Variants in JMJD6 observed in about 807,000 individuals in gnomAD.
JMJD6 encodes the protein bifunctional arginine demethylase and lysyl-hydroxylase JMJD6.
Under a neutral mutation model 45.8 loss-of-function variants are expected in JMJD6, and 17 were observed. The observed-to-expected ratio is 0.37, with a 90% CI of 0.25 to 0.56. The LOEUF is 0.56. Among genes scored for constraint, JMJD6 ranks in the 20% least tolerant of loss-of-function variants. The probability of loss-of-function intolerance (pLI) is 0.79; values close to 1 mark genes in which losing one functional copy is unlikely to be tolerated. For missense variants in JMJD6, 470 were observed against 517.5 expected (o/e 0.91, Z 0.89); for synonymous variants, 221 against 196.3 (o/e 1.13, Z -1.05).
chr17:76,724,144 A>AGAG, intron 2 of JMJD6, 86 bp from the exon 3 acceptor site: 1 of 1,443,530 alleles, frequency 6.9e-7, no homozygotes, highest in Non-Finnish European at 9.5e-7. Flanking sequence ...TTTTTCTTTG[A>AGAG]GAGTCTTGCT....
chr17:76,725,850 G>A lies in JMJD6; in HGVS notation c.135C>T (p.Asn45=), dbSNP rs765176610. Residue 45 remains asparagine (N), a synonymous_variant, in exon 2 of 6, where the codon AAC becomes AAT. Coordinates refer to ENST00000397625, the MANE Select transcript of JMJD6 (RefSeq NM_015167.3). ...FSLSPAAVAD[N]VERADALQLS... ...GCTGTAAAGCATCTGCCCTTTCCACGTTATCCTGAGGGAATTAAAAAAGAC... is the reference window on the plus strand; with the variant it reads ...GCTGTAAAGCATCTGCCCTTTCCACATTATCCTGAGGGAATTAAAAAAGAC... 12 of 1,602,704 alleles carry A rather than the reference G, an allele frequency of 7.5e-6. No individual in the cohort carries two copies. In the South Asian group the frequency reaches 1.3e-4, roughly 18 times the overall value.
At chr17:76,716,851 G>A, downstream of JMJD6, 3 of 808,620 alleles carry the variant, frequency 3.7e-6, no homozygotes, top group East Asian at 7.5e-5. Context: ...TTTCTCCAGA[G>A]TTTTCTTACA....
intron 2 of JMJD6, 89 bp downstream of exon 2, chr17:76,725,378 C>T (rs750389166): frequency 1.6e-6 from 2 of 1,287,824 alleles, no homozygotes; most frequent in South Asian, 3.1e-5. Context: ...GGCACTGCAG[C>T]CTGGGCTACA....
intron 3 of JMJD6, among the ~76,000 whole-genome samples, chr17:76,723,089 G>T (rs1882259936): frequency 6.6e-6 from 1 of 151,526 alleles, no homozygotes; most frequent in African/African-American, 2.4e-5. Flanking sequence ...GGGATTACAG[G>T]CGCCCGCCAC....
In JMJD6 at chr17:76,718,871, G is replaced by A; in HGVS notation, c.1081-11C>T. 1 of 1,610,980 alleles carries A rather than the reference G, an allele frequency of 6.2e-7. No individual in the cohort carries two copies. Among genetic ancestry groups the A allele is most frequent in the African/African-American group, 1.3e-5 (1 of 74,860 alleles). Reference sequence around the variant, plus strand: ...GGATCCAGACTCGCACTGGACACAGGAGGACAGAAAACAAGGAGTCAACCT... The same window carrying A: ...GGATCCAGACTCGCACTGGACACAGAAGGACAGAAAACAAGGAGTCAACCT... On this transcript the variant is annotated splice_polypyrimidine_tract_variant and intron_variant, in intron 5 of 5. Coordinates refer to ENST00000397625, the MANE Select transcript of JMJD6 (RefSeq NM_015167.3).
chr17:76,716,952 G>C (rs1258952713), downstream of JMJD6, among the ~76,000 whole-genome samples: 3 of 152,170 alleles, frequency 2.0e-5, no homozygotes, highest in Non-Finnish European at 4.4e-5. Flanking sequence ...TCTAAGTATG[G>C]CTGTGAAAGG....
intron 3 of JMJD6, 103 bp from the exon 4 acceptor site, chr17:76,722,036 C>T (rs2076831929): frequency 1.6e-6 from 2 of 1,225,182 alleles, no homozygotes; most frequent in African/African-American, 3.0e-5. Context: ...TAAGGGAGAG[C>T]CTACAGAGAC....
At chr17:76,720,532 G>T in intron 4 of JMJD6, 34 bp from the exon 5 acceptor site, 1 of 1,609,722 alleles carries the variant, frequency 6.2e-7, no homozygotes, top group South Asian at 1.1e-5. Context: ...TCAGTGCACT[G>T]ACAGCCATAC....
At chr17:76,718,898 G>C (rs143400917) in intron 5 of JMJD6, 38 bp from the exon 6 acceptor site, 1 of 1,597,696 alleles carries the variant, frequency 6.3e-7, no homozygotes, top group Admixed American at 1.7e-5. Context: ...AGTCAACCTG[G>C]ATGCAACCCA....
In JMJD6 at chr17:76,720,452, C is replaced by T. The variant is rs1255643164; in HGVS notation, c.988G>A (p.Val330Ile). 2.5e-6 allele frequency: 4 copies of T among 1,613,980 alleles called. No individual in the cohort carries two copies. The highest frequency in any genetic ancestry group is 1.6e-4 in the Middle Eastern group (1 of 6,084). Residue 330 changes from valine to isoleucine, a missense_variant, in exon 5 of 6, where the codon GTT (valine) becomes ATT (isoleucine). Coordinates refer to ENST00000397625, the MANE Select transcript of JMJD6 (RefSeq NM_015167.3). ...HPELAVLADS[V>I]DLQESTGIAS... ...ATCCCTGTGGACTCCTGAAGGTCAACCGAGTCTGCGAGGACTGCCAACTCG... is the reference window on the plus strand; with the variant it reads ...ATCCCTGTGGACTCCTGAAGGTCAATCGAGTCTGCGAGGACTGCCAACTCG...
downstream of JMJD6, chr17:76,714,767 A>T (rs1243457192): frequency 6.6e-6 from 1 of 152,268 alleles, no homozygotes; most frequent in Non-Finnish European, 1.5e-5. Flanking sequence ...ACAGGAATCA[A>T]CTTTAGCATC....
chr17:76,720,383 T>TGGAGCTGGA lies in JMJD6; in HGVS notation c.1048_1056dup (p.Ser353_Ser355dup), dbSNP rs762492431. The stretch of plus-strand genomic sequence containing the variant: ...ACCTCTGAGTCGGAGTCTGACGAAC[T>TGGAGCTGGA]GGAGCTGGAGGAGCTGGAAGAGTCG... On this transcript the variant is annotated inframe_insertion, in exon 5 of 6. Coordinates refer to ENST00000397625, the MANE Select transcript of JMJD6 (RefSeq NM_015167.3). The TGGAGCTGGA allele has an allele frequency of 1.9e-6, 3 of 1,614,020 alleles. No individual in the cohort carries two copies. Among genetic ancestry groups the TGGAGCTGGA allele is most frequent in the Non-Finnish European group, 8.5e-7 (1 of 1,180,018 alleles).
chr17:76,721,530 A>G (rs1463629920), intron 4 of JMJD6: 4 of 470,766 alleles, frequency 8.5e-6, no homozygotes, highest in Non-Finnish European at 1.6e-5. Context: ...AACACAAAAC[A>G]AAACGAGAAA....
chr17:76,718,726 G>T lies in JMJD6; in HGVS notation c.*3C>A. ...CTTCCATACAGACAACAGCCTTGCTGGGTCACCTGGAGGAGCTGCGCTCTT... is the reference window on the plus strand; with the variant it reads ...CTTCCATACAGACAACAGCCTTGCTTGGTCACCTGGAGGAGCTGCGCTCTT... On this transcript the variant is annotated 3_prime_UTR_variant, in exon 6 of 6. Coordinates refer to ENST00000397625, the MANE Select transcript of JMJD6 (RefSeq NM_015167.3). The T allele has an allele frequency of 6.2e-7, 1 of 1,613,790 alleles. No homozygotes were observed. Among genetic ancestry groups the T allele is most frequent in the Non-Finnish European group, 8.5e-7 (1 of 1,179,784 alleles).
At position 76,726,527 on chromosome 17, in the gene JMJD6, T is replaced by A; in HGVS notation, c.-52A>T. ...TACGACCTCGGCGCAGCCCGCTTCC[T>A]GACACTAACGCACCCCTCCCCGGCC... On this transcript the variant is annotated 5_prime_UTR_variant, in exon 1 of 6. Coordinates refer to ENST00000397625, the MANE Select transcript of JMJD6 (RefSeq NM_015167.3). 4 of 1,554,288 alleles carry A rather than the reference T, an allele frequency of 2.6e-6. No individual in the cohort carries two copies. The South Asian group carries it at 4.7e-5, about 18-fold the overall frequency.
At chr17:76,720,759 G>A in intron 4 of JMJD6, 1 of 355,500 alleles carries the variant, frequency 2.8e-6, no homozygotes, top group East Asian at 4.4e-5. Flanking sequence ...AGCCAGCCGT[G>A]CCACCAATAC....
In JMJD6 at chr17:76,723,908, G is replaced by A. The variant is rs776307459; in HGVS notation, c.669C>T (p.Asp223=). 16 of 1,613,882 alleles carry A rather than the reference G, an allele frequency of 9.9e-6. No individual in the cohort carries two copies. The Admixed American group carries it at 2.2e-4, about 22-fold the overall frequency. The change falls in exon 3 of 6, where the codon GAC becomes GAT. Residue 223 remains aspartate (D), a synonymous_variant. Coordinates refer to ENST00000397625, the MANE Select transcript of JMJD6 (RefSeq NM_015167.3). ...CTTCGTCTTGCTGGTTCCCTCCTTCGTCTCGGGTCACTTTGATGAGTTCCC... is the reference window on the plus strand; with the variant it reads ...CTTCGTCTTGCTGGTTCCCTCCTTCATCTCGGGTCACTTTGATGAGTTCCC... ...TPRELIKVTR[D]EGGNQQDEAI...
intron 3 of JMJD6, among the ~76,000 whole-genome samples, chr17:76,722,366 G>C (rs981925530): frequency 6.6e-6 from 1 of 152,174 alleles, no homozygotes; most frequent in African/African-American, 2.4e-5. Flanking sequence ...TTATCAAAGC[G>C]CAGTTGTCTG....
downstream of JMJD6, chr17:76,716,728 A>G (rs202212391): frequency 5.0e-6 from 8 of 1,614,088 alleles, no homozygotes; most frequent in Admixed American, 1.3e-4. Context: ...TAATCCTGCC[A>G]AGGAAAGCAC....
Sources: allele counts gnomAD v4.1 joint callset (sites outside exome capture counted in the v4.1 genomes callset), GRCh38; gene constraint gnomAD v4.1.1; transcripts MANE v1.5; gene names NCBI Gene and HGNC (gene_info 2026-07-23, HGNC 2026-07-21).